Variants in HDAC1 observed in about 807,000 individuals in gnomAD.
HDAC1 encodes the protein histone deacetylase 1, also known as protein deacetylase HDAC1.
Under a neutral mutation model 65.5 loss-of-function variants are expected in HDAC1, and 18 were observed. The observed-to-expected ratio is 0.27, with a 90% CI of 0.19 to 0.41. The LOEUF is 0.41. Ranked by LOEUF, HDAC1 falls within the 10% of genes least tolerant of loss-of-function variation. The pLI, the probability that HDAC1 is intolerant of heterozygous loss-of-function variation, is 1.00. For synonymous variants in HDAC1, 211 were observed against 227.9 expected, an observed-to-expected ratio of 0.93 and a Z score of 0.67; for missense variants, 373 against 625.2, an observed-to-expected ratio of 0.60 and a Z score of 4.30.
At chr1:32,319,224 G>A (rs915349486) in intron 3 of HDAC1, among the ~76,000 whole-genome samples, 1 of 152,150 alleles carries the variant, frequency 6.6e-6, no homozygotes, top group African/African-American at 2.4e-5. Flanking sequence ...GGGTAATATA[G>A]TGAGACCTGG....
rs1641302508 is a variant in HDAC1 at position 32,332,214 on chromosome 1, A to G, written c.1344A>G (p.Glu448=). The change falls in exon 12 of 14, where the codon GAA becomes GAG. Residue 448 remains glutamate, a synonymous_variant. Coordinates refer to ENST00000373548, the MANE Select transcript of HDAC1 (RefSeq NM_004964.3). ...KKAKRVKTED[E]KEKDPEEKKE... ...CCAAGAGAGTCAAAACAGAGGATGAAAAAGAGAAAGACCCAGAGGAGAAGA... is the reference window on the plus strand; with the variant it reads ...CCAAGAGAGTCAAAACAGAGGATGAGAAAGAGAAAGACCCAGAGGAGAAGA... 1 of 1,613,316 alleles carries G rather than the reference A, an allele frequency of 6.2e-7. No individual in the cohort carries two copies. The highest frequency in any genetic ancestry group is 8.5e-7 in the Non-Finnish European group (1 of 1,179,606).
chr1:32,302,111 G>A lies in HDAC1; in HGVS notation c.50-510G>A, dbSNP rs540118085. Among the ~76,000 whole-genome samples, 12 of 152,232 alleles carry A rather than the reference G, an allele frequency of 7.9e-5. No individual in the cohort carries two copies. In the South Asian group the frequency reaches 2.5e-3, roughly 32 times the overall value. On this transcript the variant is annotated intron_variant, in intron 1 of 13. Coordinates refer to ENST00000373548, the MANE Select transcript of HDAC1 (RefSeq NM_004964.3). ...GTGTTATAGATTAAGCATGTGATAA[G>A]TTTTAGTTTTCTTATCTGTAAGGTG...
In HDAC1 at chr1:32,324,570, T is replaced by A. The variant is rs749623481; in HGVS notation, c.355+17T>A. ...GTTCTGTGGGTAAGGAATATTCATC[T>A]TCTCCCCAGGGGTAGACTGGGTTGT... On this transcript the variant is annotated intron_variant, in intron 4 of 13. Coordinates refer to ENST00000373548, the MANE Select transcript of HDAC1 (RefSeq NM_004964.3). The A allele has an allele frequency of 6.4e-7, 1 of 1,559,006 alleles. No individual in the cohort carries two copies.
intron 2 of HDAC1, among the ~76,000 whole-genome samples, chr1:32,312,248 G>C (rs893255805): frequency 2.0e-5 from 3 of 152,202 alleles, no homozygotes; most frequent in African/African-American, 7.2e-5. Context: ...CCCAGAGCCA[G>C]ATCTCTGGAT....
At position 32,315,699 on chromosome 1, in the gene HDAC1, G is replaced by T. The variant is rs1242291814; in HGVS notation, c.163-966G>T. On this transcript the variant is annotated intron_variant, in intron 2 of 13. Coordinates refer to ENST00000373548, the MANE Select transcript of HDAC1 (RefSeq NM_004964.3). The stretch of plus-strand genomic sequence containing the variant: ...ATAATTTTGTAGGCCGGGCGCAGTG[G>T]CTCATGCCTGTAATCCAGCACTTTG... 2.6e-5 allele frequency among the ~76,000 whole-genome samples: 4 copies of T among 150,968 alleles called. No individual in the cohort carries two copies. In the South Asian group the frequency reaches 8.5e-4, roughly 32 times the overall value.
Position 32,327,223 on chromosome 1 carries a change from C to T in HDAC1, c.494+146C>T. 1.3e-6 allele frequency: 1 copy of T among 754,864 alleles called. No individual in the cohort carries two copies. The highest frequency in any genetic ancestry group is 2.2e-6 in the Non-Finnish European group (1 of 460,120). 46.8% of individuals were successfully genotyped at this position (754,864 alleles called of 1,614,324 possible). On this transcript the variant is annotated intron_variant, in intron 5 of 13. Coordinates refer to ENST00000373548, the MANE Select transcript of HDAC1 (RefSeq NM_004964.3). The surrounding 1 kb of genome is among the most constrained non-coding windows in gnomAD (Gnocchi z 6.0). Reference sequence around the variant, plus strand: ...CGGTGAGTGTCTCTGGCCATCATCTCCTTGATGGGGTCTTGGTTTGATCTG... The same window carrying T: ...CGGTGAGTGTCTCTGGCCATCATCTTCTTGATGGGGTCTTGGTTTGATCTG...
At chr1:32,298,047 C>T (rs370888366) in intron 1 of HDAC1, among the ~76,000 whole-genome samples, 24 of 150,680 alleles carry the variant, frequency 1.6e-4, no homozygotes, top group East Asian at 5.9e-4. Context: ...CCTCGGCCTC[C>T]CAAAGTGGTG....
rs929084997 is a variant in HDAC1, at chr1:32,331,419, TG to T, written c.980-53del. 1 of 1,002,448 alleles carries T rather than the reference TG, an allele frequency of 1.0e-6. No homozygotes were observed. The highest frequency in any genetic ancestry group is 1.6e-6 in the Non-Finnish European group (1 of 624,362). The allele number at this position is 1,002,448 out of a possible 1,614,324, so 62.1% of individuals were successfully genotyped here. A position where few individuals can be genotyped will look rare whatever the true frequency, so the allele number is the denominator to read the frequency against. ...ATGCTTTAGGGTGCTTACGTGCAAA[TG>T]GTTAGGGTGCGGTGGCCAGGTCTCT... is the stretch of plus-strand genomic sequence containing the variant. On this transcript the variant is annotated intron_variant, in intron 9 of 13. Coordinates refer to ENST00000373548, the MANE Select transcript of HDAC1 (RefSeq NM_004964.3). This position sits in a 1 kb window ranked among gnomAD's most constrained non-coding sequence, Gnocchi z 4.2.
intron 2 of HDAC1, among the ~76,000 whole-genome samples, chr1:32,305,958 A>G (rs2148059761): frequency 6.6e-6 from 1 of 152,166 alleles, no homozygotes; most frequent in East Asian, 1.9e-4. Flanking sequence ...CATTGCATAT[A>G]TACTCATCAA....
rs978682954 is a variant in HDAC1 at position 32,314,802 on chromosome 1, G to A, written c.163-1863G>A. On this transcript the variant is annotated intron_variant, in intron 2 of 13. Coordinates refer to ENST00000373548, the MANE Select transcript of HDAC1 (RefSeq NM_004964.3). Reference sequence around the variant, plus strand: ...GATCGCGCCACTGCACTCCAGCCTGGGCGACAGAGCGAGACTCCGTCTCAA... The same window carrying A: ...GATCGCGCCACTGCACTCCAGCCTGAGCGACAGAGCGAGACTCCGTCTCAA... 2.7e-5 allele frequency among the ~76,000 whole-genome samples: 4 copies of A among 150,674 alleles called. No individual in the cohort carries two copies. The East Asian group carries it at 5.9e-4, about 22-fold the overall frequency.
intron 1 of HDAC1, among the ~76,000 whole-genome samples, chr1:32,296,892 A>G (rs1028222349): frequency 6.6e-6 from 1 of 152,228 alleles, no homozygotes; most frequent in Non-Finnish European, 1.5e-5. Flanking sequence ...GAGCCCAGCT[A>G]GAGACACTAA....
At chr1:32,317,325 G>A (rs569694770) in intron 3 of HDAC1, among the ~76,000 whole-genome samples, 58 of 152,246 alleles carry the variant, frequency 3.8e-4, no homozygotes, top group African/African-American at 1.3e-3. Context: ...TGGAAGCCAC[G>A]CTTAGTTTGT....
At chr1:32,305,555 C>T (rs1640899287) in intron 2 of HDAC1, among the ~76,000 whole-genome samples, 1 of 151,368 alleles carries the variant, frequency 6.6e-6, no homozygotes, top group African/African-American at 2.4e-5. Flanking sequence ...AATTTATATT[C>T]CCCTACTGAA....
Position 32,333,103 on chromosome 1 carries a change from C to T in HDAC1, c.*59C>T, listed in dbSNP as rs1472961418. 17 of 1,322,828 alleles carry T rather than the reference C, an allele frequency of 1.3e-5. No homozygotes were observed. The highest frequency in any genetic ancestry group is 7.3e-5 in the Admixed American group (4 of 54,844). The allele number at this position is 1,322,828 out of a possible 1,614,324, so 81.9% of individuals were successfully genotyped here. A position where few individuals can be genotyped will look rare whatever the true frequency, so the allele number is the denominator to read the frequency against. Reference sequence around the variant, plus strand: ...CCCTCACGTTTCTTCCCCAACCCCTCAGATTTTATATTTTCTATTTCTCTG... The same window carrying T: ...CCCTCACGTTTCTTCCCCAACCCCTTAGATTTTATATTTTCTATTTCTCTG... On this transcript the variant is annotated 3_prime_UTR_variant, in exon 14 of 14. Transcript: ENST00000373548.
In HDAC1 at chr1:32,333,038, G is replaced by A; in HGVS notation, c.1443G>A (p.Leu481=). ...ACAGGGTCAAGGAGGAGGTCAAGTT[G>A]GCCTGAATGGACCTCTCCAGCTCTG... The part of the protein sequence containing the change: ...EAKGVKEEVK[L]A Residue 481 remains leucine, a synonymous_variant, in exon 14 of 14, where the codon TTG becomes TTA. Coordinates refer to ENST00000373548, the MANE Select transcript of HDAC1 (RefSeq NM_004964.3). 6.2e-7 allele frequency: 1 copy of A among 1,613,758 alleles called. No individual in the cohort carries two copies. Among genetic ancestry groups the A allele is most frequent in the Non-Finnish European group, 8.5e-7 (1 of 1,179,790 alleles).
At chr1:32,309,794 A>G (rs1476919125) in intron 2 of HDAC1, among the ~76,000 whole-genome samples, 1 of 151,960 alleles carries the variant, frequency 6.6e-6, no homozygotes, top group Non-Finnish European at 1.5e-5. Flanking sequence ...GTCTGTGCTC[A>G]AGTGATTCTC....
chr1:32,313,664 T>C (rs1196510400), intron 2 of HDAC1, among the ~76,000 whole-genome samples: 1 of 152,230 alleles, frequency 6.6e-6, no homozygotes, highest in Non-Finnish European at 1.5e-5. Flanking sequence ...CATTTAGTTA[T>C]AACGTTGAGG....
intron 4 of HDAC1, among the ~76,000 whole-genome samples, chr1:32,324,832 C>T (rs897628107): frequency 9.9e-5 from 15 of 152,086 alleles, no homozygotes; most frequent in Non-Finnish European, 1.0e-4. Flanking sequence ...AAACAATTAG[C>T]CGGGCATGGT....
chr1:32,306,004 G>T (rs1221003516), intron 2 of HDAC1, among the ~76,000 whole-genome samples: 3 of 152,036 alleles, frequency 2.0e-5, no homozygotes, highest in Non-Finnish European at 4.4e-5. Flanking sequence ...GTGTGTGTCT[G>T]GTTTTGGGCT....
Sources: allele counts gnomAD v4.1 joint callset (sites outside exome capture counted in the v4.1 genomes callset), GRCh38; gene constraint gnomAD v4.1.1; non-coding constraint Gnocchi (gnomAD v3.1); transcripts MANE v1.5; gene names NCBI Gene and HGNC (gene_info 2026-07-23, HGNC 2026-07-21).